The following CHD1L variants were observed in gnomAD, a reference collection of about 807,000 sequenced individuals.
The protein encoded by CHD1L is ATP-dependent chromatin remodeler CHD1L.
CHD1L carries 118 observed loss-of-function variants against 115.9 expected under a neutral mutation model. The ratio of observed to expected loss-of-function variants is 1.02; its 90% CI spans 0.88 to 1.19. The LOEUF (loss-of-function observed/expected upper bound fraction) is 1.19. CHD1L is among the 50% of genes most tolerant of loss of function. The pLI is 0.00. For synonymous variants in CHD1L, 411 were observed against 387.1 expected (o/e 1.06, Z -0.72); for missense variants, 1,179 against 1,065.3 (o/e 1.11, Z -1.49).
chr1:147,178,199 G>T, the CHD1L span: 1 of 1,612,770 alleles, frequency 6.2e-7, no homozygotes, highest in African/African-American at 1.3e-5. Context: ...GACGTGCTAG[G>T]ACTCAGGGAC....
At chr1:147,273,660 C>T (rs1274507911) in intron 12 of CHD1L, among the ~76,000 whole-genome samples, 2 of 152,172 alleles carry the variant, frequency 1.3e-5, no homozygotes, top group African/African-American at 4.8e-5. Context: ...TCATCATCCT[C>T]ATATTCAGAG....
chr1:147,270,965 C>A lies in CHD1L; in HGVS notation c.1119C>A (p.Thr373=), dbSNP rs781801562. 3 of 1,613,854 alleles carry A rather than the reference C, an allele frequency of 1.9e-6. No homozygotes were observed. Among genetic ancestry groups the A allele is most frequent in the Non-Finnish European group, 2.5e-6 (3 of 1,179,956 alleles). The change falls in exon 11 of 23, where the codon ACC becomes ACA. Residue 373 remains threonine (T), a synonymous_variant. Coordinates refer to ENST00000369258, the MANE Select transcript of CHD1L (RefSeq NM_004284.6). The part of the protein sequence containing the change: ...GHRVLLFSQM[T]QMLDILQDYM... ...GGGTTTTACTTTTCTCCCAAATGACCCAGATGTTGGATATTCTCCAAGACT... is the reference window on the plus strand; with the variant it reads ...GGGTTTTACTTTTCTCCCAAATGACACAGATGTTGGATATTCTCCAAGACT...
rs147949179 is a variant in CHD1L at position 147,268,783 on chromosome 1, T to A, written c.990T>A (p.Gly330=). The change falls in exon 10 of 23, where the codon GGT becomes GGA. Residue 330 remains glycine, a splice_region_variant and synonymous_variant. Coordinates refer to ENST00000369258, the MANE Select transcript of CHD1L (RefSeq NM_004284.6). ...KCVDHPYLFD[G]VEPEPFEVGD... is the part of the protein sequence containing the mutation. The stretch of plus-strand genomic sequence containing the variant: ...GGGAGTGGGTTCTTTCTTTTCTAGG[T>A]GTGGAGCCGGAGCCTTTTGAAGTTG... 459 of 1,612,772 alleles carry A rather than the reference T, an allele frequency of 2.8e-4. No individual in the cohort carries two copies. Among genetic ancestry groups the A allele is most frequent in the Non-Finnish European group, 3.6e-4 (424 of 1,179,192 alleles).
In CHD1L at chr1:147,274,738, G is replaced by A. The variant is rs151237054; in HGVS notation, c.1271-616G>A. Among the ~76,000 whole-genome samples, 67 of 152,228 alleles carry A rather than the reference G, an allele frequency of 4.4e-4. 2 individuals carry two copies. In the East Asian group the frequency reaches 0.013, roughly 29 times the overall value. On this transcript the variant is annotated intron_variant, in intron 12 of 22. Coordinates refer to ENST00000369258, the MANE Select transcript of CHD1L (RefSeq NM_004284.6). The stretch of plus-strand genomic sequence containing the variant: ...AACACTCAGAGTAAATGACAAGAGT[G>A]TTCTTGTCTTGCCGTTGGTTTTGTT...
chr1:147,258,917 G>T (rs79459981), intron 5 of CHD1L: 1 of 151,972 alleles, frequency 6.6e-6, no homozygotes, highest in Non-Finnish European at 1.5e-5. Context: ...TCTTTTGCAT[G>T]GCTTTCACAT....
chr1:147,176,357 A>G, the CHD1L span: 1 of 152,246 alleles, frequency 6.6e-6, no homozygotes, highest in African/African-American at 2.4e-5. Context: ...AAGGATTTGC[A>G]TGTAAATTCT....
At chr1:147,211,429 TATC>T in the CHD1L span, 3 of 152,220 alleles carry the variant, frequency 2.0e-5, no homozygotes, top group African/African-American at 4.8e-5. Context: ...ATTTATGAAG[TATC>T]ATATGAAATA....
At chr1:147,196,102 CAGT>C in the CHD1L span, among the ~76,000 whole-genome samples, 1 of 152,130 alleles carries the variant, frequency 6.6e-6, no homozygotes, top group African/African-American at 2.4e-5. Context: ...TCAGGCTAAA[CAGT>C]ACATGTTTCC....
At chr1:147,206,064 T>G in the CHD1L span, among the ~76,000 whole-genome samples, 1 of 150,446 alleles carries the variant, frequency 6.6e-6, no homozygotes, top group African/African-American at 2.5e-5. Flanking sequence ...TCATACAAAT[T>G]TACAAGAAAA....
At chr1:147,265,846 A>C in intron 7 of CHD1L, 86 bp from the exon 8 acceptor site, 1 of 1,278,856 alleles carries the variant, frequency 7.8e-7, no homozygotes. Flanking sequence ...ATAAGAAACA[A>C]AAATAAATTT....
the CHD1L span, chr1:147,203,683 A>G: frequency 1.4e-6 from 2 of 1,478,676 alleles, no homozygotes; most frequent in Non-Finnish European, 1.9e-6. Flanking sequence ...TGGCTAATTC[A>G]ATTTCTGTTG....
the CHD1L span, chr1:147,215,658 G>A: frequency 1.1e-6 from 1 of 882,920 alleles, no homozygotes; most frequent in Non-Finnish European, 1.8e-6. Flanking sequence ...TGCAAATCAA[G>A]CCAATCTTTA....
chr1:147,204,516 A>C, the CHD1L span: 1 of 1,564,930 alleles, frequency 6.4e-7, no homozygotes, highest in Admixed American at 1.7e-5. Context: ...GAATCTCATG[A>C]GCTTTTCTGC....
rs587654516 is a variant in CHD1L at position 147,255,980 on chromosome 1, T to C, written c.462+53T>C. On this transcript the variant is annotated intron_variant, in intron 4 of 22. Transcript: ENST00000369258. ...ACTCCTAACCTGTGACCTTAGAAGT[T>C]GTAGAGTCTGCTGAAATTATATTTA... is the stretch of plus-strand genomic sequence containing the variant. 4.9e-6 allele frequency: 6 copies of C among 1,224,306 alleles called. No individual in the cohort carries two copies. The East Asian group carries it at 1.2e-4, about 25-fold the overall frequency. 75.8% of individuals were successfully genotyped at this position (1,224,306 alleles called of 1,614,324 possible).
chr1:147,185,197 A>G, the CHD1L span, among the ~76,000 whole-genome samples: 6 of 152,096 alleles, frequency 3.9e-5, no homozygotes, highest in South Asian at 1.2e-3. Flanking sequence ...AACCTTGCAT[A>G]TAATATGTAC....
intron 15 of CHD1L, among the ~76,000 whole-genome samples, chr1:147,280,841 C>T (rs1469775360): frequency 6.6e-6 from 1 of 152,170 alleles, no homozygotes; most frequent in East Asian, 1.9e-4. Context: ...TTTGAAATGA[C>T]TTATTTTTCT....
At chr1:147,202,082 T>C in the CHD1L span, among the ~76,000 whole-genome samples, 14 of 152,200 alleles carry the variant, frequency 9.2e-5, no homozygotes, top group African/African-American at 3.1e-4. Context: ...AGAAAAGTTA[T>C]GTGACTTGTC....
chr1:147,249,817 T>C (rs969661678), intron 1 of CHD1L, among the ~76,000 whole-genome samples: 4 of 152,210 alleles, frequency 2.6e-5, no homozygotes, highest in African/African-American at 9.7e-5. Flanking sequence ...CTATCCTCCT[T>C]CACCTGTTTT....
chr1:147,178,149 G>A, the CHD1L span: 7 of 1,607,560 alleles, frequency 4.4e-6, no homozygotes, highest in Admixed American at 1.2e-4. Context: ...TCCCGGGCGT[G>A]GCGCTGCTTC....
Sources: gnomAD v4.1 joint callset for allele counts (sites outside exome capture counted in the v4.1 genomes callset) on GRCh38, gnomAD v4.1.1 for gene constraint, MANE v1.5 for transcripts, NCBI Gene and HGNC (gene_info 2026-07-23, HGNC 2026-07-21) for gene names.